GSR: variants seen among roughly 807,000 people sequenced by gnomAD.
GSR encodes glutathione-disulfide reductase, also known as glutathione reductase, mitochondrial.
A neutral mutation model predicts 56.5 loss-of-function variants in GSR; 48 were observed. That is an observed-to-expected ratio of 0.85 (90% CI 0.67 to 1.08). The LOEUF (loss-of-function observed/expected upper bound fraction) is 1.08, where lower values mean the gene tolerates loss of function less well. GSR is among the 50% of genes least tolerant of loss of function. The probability of loss-of-function intolerance (pLI) is 0.00; values close to 1 mark genes in which losing one functional copy is unlikely to be tolerated. For synonymous variants in GSR, 264 were observed against 270.8 expected (o/e 0.97, Z 0.25); for missense variants, 694 against 703.3 (o/e 0.99, Z 0.15).
At chr8:30,680,849 T>TCCCA in intron 12 of GSR, 55 bp downstream of exon 12, 2 of 1,547,856 alleles carry the variant, frequency 1.3e-6, no homozygotes, top group Non-Finnish European at 8.9e-7. Flanking sequence ...TGCAAAATAC[T>TCCCA]GCCATCCCTG....
At chr8:30,725,755 A>G (rs1009139643) in intron 1 of GSR, among the ~76,000 whole-genome samples, 3 of 150,694 alleles carry the variant, frequency 2.0e-5, no homozygotes, top group Non-Finnish European at 4.4e-5. Context: ...GGTGGCATGC[A>G]CCTGCATTCC....
At chr8:30,700,220 C>G (rs548229772) in intron 5 of GSR, 85 bp from the exon 6 acceptor site, 1 of 974,258 alleles carries the variant, frequency 1.0e-6, no homozygotes, top group East Asian at 2.4e-5. Context: ...AAAAACCAAA[C>G]ACTTTCACAG....
chr8:30,700,762 C>T (rs1450623874), intron 5 of GSR, among the ~76,000 whole-genome samples: 7 of 127,794 alleles, frequency 5.5e-5, no homozygotes, highest in Non-Finnish European at 5.2e-5. Context: ...CGACGTGGCC[C>T]TTTCCTCTCT....
At chr8:30,689,344 A>G in intron 8 of GSR, 25 bp from the exon 9 acceptor site, 1 of 1,606,132 alleles carries the variant, frequency 6.2e-7, no homozygotes. Flanking sequence ...AATGTGTTAC[A>G]CATGTGTGGA....
intron 5 of GSR, among the ~76,000 whole-genome samples, chr8:30,700,572 A>T (rs957423400): frequency 1.3e-5 from 2 of 151,862 alleles, no homozygotes; most frequent in Admixed American, 6.6e-5. Flanking sequence ...AAAAATACAA[A>T]AATTAGCTGG....
chr8:30,698,116 A>G (rs888347435), intron 6 of GSR, among the ~76,000 whole-genome samples: 2 of 152,150 alleles, frequency 1.3e-5, no homozygotes, highest in Admixed American at 6.6e-5. Context: ...AAGCCCCCTC[A>G]GTGCAAAAAC....
intron 9 of GSR, among the ~76,000 whole-genome samples, 174 bp from the exon 10 acceptor site, chr8:30,684,373 G>A (rs551961769): frequency 6.6e-6 from 1 of 152,242 alleles, no homozygotes; most frequent in South Asian, 2.1e-4. Context: ...GTTTCAAGCT[G>A]GGTACAGTGG....
At chr8:30,686,306 T>C (rs1351508577) in intron 9 of GSR, among the ~76,000 whole-genome samples, 3 of 152,058 alleles carry the variant, frequency 2.0e-5, no homozygotes, top group Non-Finnish European at 2.9e-5. Context: ...ACCTAGCACA[T>C]AGTAATCACT....
chr8:30,718,151 ACTTG>A (rs1804401772), intron 1 of GSR, among the ~76,000 whole-genome samples: 1 of 147,752 alleles, frequency 6.8e-6, no homozygotes, highest in African/African-American at 2.5e-5. Context: ...AATGTGATTC[ACTTG>A]AATCCTGAAT....
At position 30,703,259 on chromosome 8, in the gene GSR, C is replaced by T; in HGVS notation, c.493-19G>A. ...TATGGGACTAAAGAAGGAACCATGA[C>T]ATTAGCCTGTTCTTAGAATAAAAAC... is the stretch of plus-strand genomic sequence containing the variant. On this transcript the variant is annotated intron_variant, in intron 4 of 12. Coordinates refer to ENST00000221130, the MANE Select transcript of GSR (RefSeq NM_000637.5). 2.5e-6 allele frequency: 4 copies of T among 1,611,106 alleles called. No homozygotes were observed. The highest frequency in any genetic ancestry group is 3.4e-6 in the Non-Finnish European group (4 of 1,177,260).
chr8:30,713,923 G>A (rs980409704), intron 1 of GSR, among the ~76,000 whole-genome samples: 1 of 152,178 alleles, frequency 6.6e-6, no homozygotes, highest in Non-Finnish European at 1.5e-5. Flanking sequence ...TCCATCGGCA[G>A]GGAAGTAGTA....
intron 5 of GSR, among the ~76,000 whole-genome samples, chr8:30,702,396 C>T (rs1803774845): frequency 6.6e-6 from 1 of 152,060 alleles, no homozygotes; most frequent in Non-Finnish European, 1.5e-5. Context: ...TTCCTTACAG[C>T]TTTAATCTTC....
intron 9 of GSR, among the ~76,000 whole-genome samples, chr8:30,685,976 ACT>A (rs949138610): frequency 9.2e-6 from 1 of 109,204 alleles, no homozygotes; most frequent in Non-Finnish European, 1.7e-5. Flanking sequence ...ACAGAAAGAG[ACT>A]CTGCCTCAAA....
Position 30,693,031 on chromosome 8 carries a change from T to C in GSR, c.820A>G (p.Ile274Val). 1 of 1,611,424 alleles carries C rather than the reference T, an allele frequency of 6.2e-7. No individual in the cohort carries two copies. Among genetic ancestry groups the C allele is most frequent in the Non-Finnish European group, 8.5e-7 (1 of 1,177,882 alleles). ...DKVLRSFDSMISTNCTEELEN... is the reference protein window; with the variant it reads ...DKVLRSFDSMVSTNCTEELEN... ...AGCTCCTCCGTGCAGTTGGTGCTGA[T>C]CATTGAATCAAAACTTCTAAGTACC... is the stretch of plus-strand genomic sequence containing the variant. The change falls in exon 8 of 13, where the codon ATC becomes GTC. Residue 274 changes from isoleucine (I) to valine (V), a missense_variant. By Grantham distance (29) the Ile-to-Val change is conservative. Transcript: ENST00000221130.
chr8:30,705,848 C>T (rs1803901590), intron 4 of GSR, among the ~76,000 whole-genome samples: 1 of 152,152 alleles, frequency 6.6e-6, no homozygotes, highest in Non-Finnish European at 1.5e-5. Flanking sequence ...AAATATTTTT[C>T]CCCCTGGATT....
chr8:30,695,516 T>C (rs1272322066), intron 7 of GSR, among the ~76,000 whole-genome samples: 1 of 152,128 alleles, frequency 6.6e-6, no homozygotes, highest in Non-Finnish European at 1.5e-5. Flanking sequence ...ATTAGAGGCG[T>C]GAGCCACTGT....
chr8:30,696,250 C>T (rs548949518), intron 7 of GSR, 130 bp downstream of exon 7: 1 of 754,224 alleles, frequency 1.3e-6, no homozygotes, highest in Non-Finnish European at 2.4e-6. Flanking sequence ...TTGGATACAG[C>T]ACCATATGAA....
At chr8:30,707,980 A>G (rs1002064236) in intron 4 of GSR, 92 bp downstream of exon 4, 1 of 748,016 alleles carries the variant, frequency 1.3e-6, no homozygotes, top group African/African-American at 1.8e-5. Flanking sequence ...ATAAAAATAA[A>G]TAAATAAATA....
chr8:30,688,592 A>AAAG (rs1803243791), intron 9 of GSR, among the ~76,000 whole-genome samples: 2 of 149,906 alleles, frequency 1.3e-5, no homozygotes, highest in Non-Finnish European at 1.5e-5. Flanking sequence ...AAAAAAAAAA[A>AAAG]AAAAAAGGAA....
Sources: allele counts gnomAD v4.1 joint callset (sites outside exome capture counted in the v4.1 genomes callset), GRCh38; gene constraint gnomAD v4.1.1; transcripts MANE v1.5; gene names NCBI Gene and HGNC (gene_info 2026-07-23, HGNC 2026-07-21).